PAPSS1: variants seen among roughly 807,000 people sequenced by gnomAD.
PAPSS1 encodes bifunctional 3'-phosphoadenosine 5'-phosphosulfate synthase 1.
Under a neutral mutation model 72.0 loss-of-function variants are expected in PAPSS1, and 50 were observed. The ratio of observed to expected loss-of-function variants is 0.69; its 90% CI spans 0.55 to 0.88. The LOEUF (loss-of-function observed/expected upper bound fraction) is 0.88. Among genes scored for constraint, PAPSS1 ranks in the 40% least tolerant of loss-of-function variants. The pLI, the probability that PAPSS1 is intolerant of heterozygous loss-of-function variation, is 0.00. For synonymous variants in PAPSS1, 261 were observed against 263.6 expected (o/e 0.99, Z 0.09); for missense variants, 657 against 782.2 (o/e 0.84, Z 1.91).
At chr4:107,651,618 G>A (rs1726841592) in intron 9 of PAPSS1, among the ~76,000 whole-genome samples, 1 of 152,100 alleles carries the variant, frequency 6.6e-6, no homozygotes, top group South Asian at 2.1e-4. Context: ...CCAAGCAAAA[G>A]GGGAAGCCCC....
At chr4:107,706,869 G>A (rs1370519571) in intron 1 of PAPSS1, among the ~76,000 whole-genome samples, 1 of 152,142 alleles carries the variant, frequency 6.6e-6, no homozygotes, top group Non-Finnish European at 1.5e-5. Context: ...CTGGTATCTG[G>A]GTCAGCAGGT....
intron 11 of PAPSS1, among the ~76,000 whole-genome samples, chr4:107,624,722 C>T (rs1236100448): frequency 1.3e-5 from 2 of 152,088 alleles, no homozygotes; most frequent in Non-Finnish European, 2.9e-5. Flanking sequence ...CATGAAGCAA[C>T]TCCCCACTAT....
At chr4:107,645,591 TG>T (rs1432989733) in intron 9 of PAPSS1, among the ~76,000 whole-genome samples, 5 of 152,380 alleles carry the variant, frequency 3.3e-5, no homozygotes, top group African/African-American at 9.6e-5. Flanking sequence ...AACCATATTT[TG>T]TTTTATGATC....
At chr4:107,628,551 C>A (rs1726154319) in intron 11 of PAPSS1, among the ~76,000 whole-genome samples, 1 of 152,002 alleles carries the variant, frequency 6.6e-6, no homozygotes, top group African/African-American at 2.4e-5. Context: ...AGTCAATTTC[C>A]AATTAGCACA....
intron 10 of PAPSS1, among the ~76,000 whole-genome samples, chr4:107,636,437 C>T (rs1343190638): frequency 1.3e-5 from 2 of 152,100 alleles, no homozygotes; most frequent in African/African-American, 4.8e-5. Flanking sequence ...AATCATCATG[C>T]CCTAGAGAAT....
chr4:107,719,629 G>C (rs553756628), intron 1 of PAPSS1, among the ~76,000 whole-genome samples: 125 of 152,292 alleles, frequency 8.2e-4, no homozygotes, highest in Non-Finnish European at 1.6e-3. Context: ...GAAATGGAAA[G>C]ACACGGAGAT....
intron 5 of PAPSS1, among the ~76,000 whole-genome samples, chr4:107,668,653 C>T (rs548534397): frequency 1.3e-5 from 2 of 152,188 alleles, no homozygotes; most frequent in African/African-American, 4.8e-5. Context: ...ATGCTTCCTG[C>T]CCTCGAACAT....
At chr4:107,618,644 T>C (rs1725884444) in intron 11 of PAPSS1, among the ~76,000 whole-genome samples, 1 of 152,052 alleles carries the variant, frequency 6.6e-6, no homozygotes, top group Non-Finnish European at 1.5e-5. Flanking sequence ...ATGTGGTGGT[T>C]AATGCAAAAT....
At chr4:107,687,711 C>A (rs1722823260) in intron 3 of PAPSS1, among the ~76,000 whole-genome samples, 1 of 152,168 alleles carries the variant, frequency 6.6e-6, no homozygotes, top group South Asian at 2.1e-4. Flanking sequence ...CCCTCTAAGC[C>A]CTCTCCACTC....
chr4:107,688,818 T>C (rs1722849356), intron 3 of PAPSS1, among the ~76,000 whole-genome samples: 1 of 152,174 alleles, frequency 6.6e-6, no homozygotes, highest in African/African-American at 2.4e-5. Context: ...AAATTCTTCC[T>C]ATGTCCACCT....
intron 11 of PAPSS1, among the ~76,000 whole-genome samples, chr4:107,623,682 G>C (rs1726024972): frequency 6.6e-6 from 1 of 152,154 alleles, no homozygotes. Flanking sequence ...AACTGAATGG[G>C]AGTGTCTCCT....
At chr4:107,628,671 G>C (rs1361777032) in intron 11 of PAPSS1, among the ~76,000 whole-genome samples, 1 of 152,188 alleles carries the variant, frequency 6.6e-6, no homozygotes. Flanking sequence ...TACTAAAAGA[G>C]CAGGTATACT....
chr4:107,628,532 C>G (rs1356444282), intron 11 of PAPSS1, among the ~76,000 whole-genome samples: 3 of 152,274 alleles, frequency 2.0e-5, no homozygotes, highest in African/African-American at 7.2e-5. Flanking sequence ...CTAATGGTTA[C>G]TAGGCCATAG....
chr4:107,668,819 G>A (rs907431064), intron 5 of PAPSS1, among the ~76,000 whole-genome samples: 8 of 151,872 alleles, frequency 5.3e-5, no homozygotes, highest in Admixed American at 6.6e-5. Flanking sequence ...ATATATGTAC[G>A]TATATTCCAT....
At chr4:107,676,651 C>G (rs1727659645) in intron 5 of PAPSS1, among the ~76,000 whole-genome samples, 1 of 152,156 alleles carries the variant, frequency 6.6e-6, no homozygotes, top group Non-Finnish European at 1.5e-5. Flanking sequence ...ATCAGGCTAC[C>G]AAGAACTTTC....
intron 11 of PAPSS1, among the ~76,000 whole-genome samples, chr4:107,622,125 A>G (rs7666109): frequency 0.28 from 43,335 of 152,100 alleles, 6,404 homozygotes; most frequent in Middle Eastern, 0.34. Context: ...GTCAAACCCC[A>G]TCAGGGCTTT....
chr4:107,630,032 A>C (rs1349194899), intron 11 of PAPSS1, among the ~76,000 whole-genome samples: 1 of 152,106 alleles, frequency 6.6e-6, no homozygotes, highest in African/African-American at 2.4e-5. Flanking sequence ...AAAATCTTTA[A>C]GGGGCACCCA....
At chr4:107,640,839 C>T (rs917431940) in intron 10 of PAPSS1, among the ~76,000 whole-genome samples, 1 of 152,190 alleles carries the variant, frequency 6.6e-6, no homozygotes, top group African/African-American at 2.4e-5. Flanking sequence ...ACATCTCTTA[C>T]GCTCACAATT....
At chr4:107,660,146 A>C in intron 5 of PAPSS1, 74 bp from the exon 6 acceptor site, 1 of 775,220 alleles carries the variant, frequency 1.3e-6, no homozygotes, top group Non-Finnish European at 2.0e-6. Context: ...ATCTTAATGA[A>C]GAAAATCTCT....
Sources: allele counts gnomAD v4.1 joint callset (sites outside exome capture counted in the v4.1 genomes callset), GRCh38; gene constraint gnomAD v4.1.1; transcripts MANE v1.5; gene names NCBI Gene and HGNC (gene_info 2026-07-23, HGNC 2026-07-21).